CPXM2: variants seen among roughly 807,000 people sequenced by gnomAD.
CPXM2 encodes carboxypeptidase X, M14 family member 2.
In CPXM2, 66 loss-of-function variants were observed where a neutral mutation model predicts 86.1. The ratio of observed to expected loss-of-function variants is 0.77; its 90% CI spans 0.63 to 0.94. CPXM2 has a LOEUF of 0.94. Ranked by LOEUF, CPXM2 falls within the 40% of genes least tolerant of loss-of-function variation. CPXM2 has a pLI of 0.00. For missense variants in CPXM2, 948 were observed against 1,026.3 expected (o/e 0.92, Z 1.04); for synonymous variants, 388 against 400.2 (o/e 0.97, Z 0.36).
chr10:123,750,180 T>C, intron 13 of CPXM2: 1 of 985,368 alleles, frequency 1.0e-6, no homozygotes, highest in Non-Finnish European at 1.2e-6. Context: ...TGTTCTGTCC[T>C]TGTGGCCCTG....
chr10:123,905,465 G>A lies in CPXM2; in HGVS notation n.175-25156C>T, dbSNP rs539524489. Among the ~76,000 whole-genome samples the A allele has an allele frequency of 3.9e-5, 6 of 152,116 alleles. 1 individual carries two copies. Among genetic ancestry groups the A allele is most frequent in the Middle Eastern group, 3.2e-3 (1 of 316 alleles). ...CCTCAGCTGTCCCATCTGCCAATCCGGGCATTGGACAGATGACCCTGCCGT... is the reference window on the plus strand; with the variant it reads ...CCTCAGCTGTCCCATCTGCCAATCCAGGCATTGGACAGATGACCCTGCCGT... On this transcript the variant is annotated intron_variant and non_coding_transcript_variant, in intron 2 of 19. Transcript: ENST00000368854.
chr10:123,878,833 T>TA, intron 2 of CPXM2, among the ~76,000 whole-genome samples: 1 of 152,250 alleles, frequency 6.6e-6, no homozygotes, highest in East Asian at 1.9e-4. Flanking sequence ...GTGGCATTTG[T>TA]AATCCTGAAG....
intron 4 of CPXM2, among the ~76,000 whole-genome samples, chr10:123,833,714 G>A (rs1314415245): frequency 1.3e-5 from 2 of 152,230 alleles, no homozygotes; most frequent in African/African-American, 4.8e-5. Context: ...ACTCAAGGCC[G>A]GTGGCAACTG....
intron 4 of CPXM2, among the ~76,000 whole-genome samples, chr10:123,825,994 T>C (rs1295673901): frequency 6.6e-6 from 1 of 152,198 alleles, no homozygotes; most frequent in Non-Finnish European, 1.5e-5. Flanking sequence ...TCACTTTCCA[T>C]TGCACAGCAT....
At chr10:123,857,560 AGATGGAAGGCGGCG>A (rs1848754344) in intron 3 of CPXM2, among the ~76,000 whole-genome samples, 3 of 122,188 alleles carry the variant, frequency 2.5e-5, no homozygotes, top group Non-Finnish European at 5.4e-5. Flanking sequence ...GGCGGCGTGG[AGATGGAAGGCGGCG>A]TGGAGATGGA....
At chr10:123,871,682 C>T (rs937599342) in intron 2 of CPXM2, among the ~76,000 whole-genome samples, 9 of 152,114 alleles carry the variant, frequency 5.9e-5, no homozygotes, top group Non-Finnish European at 1.0e-4. Context: ...TAGTCCAAAG[C>T]AACAAGTACT....
intron 2 of CPXM2, among the ~76,000 whole-genome samples, chr10:123,878,292 C>G (rs989220179): frequency 7.6e-4 from 92 of 121,834 alleles, no homozygotes; most frequent in African/African-American, 2.9e-3. Context: ...CCCTTTTTTT[C>G]TCTCTTTTTT....
At chr10:123,850,659 T>C (rs1414246544) in intron 3 of CPXM2, among the ~76,000 whole-genome samples, 1 of 152,248 alleles carries the variant, frequency 6.6e-6, no homozygotes, top group African/African-American at 2.4e-5. Context: ...TTGATATTGG[T>C]AATTCAGATA....
chr10:123,752,980 A>G (rs935269172), intron 13 of CPXM2, among the ~76,000 whole-genome samples: 9 of 152,184 alleles, frequency 5.9e-5, no homozygotes, highest in African/African-American at 2.2e-4. Context: ...GAAGGGAGAC[A>G]TGCCACGGGG....
At chr10:123,846,600 T>C (rs184785146) in intron 3 of CPXM2, among the ~76,000 whole-genome samples, 8 of 152,226 alleles carry the variant, frequency 5.3e-5, no homozygotes, top group African/African-American at 1.7e-4. Flanking sequence ...TACTAGAGGA[T>C]GCACTCCAAA....
rs367712350 is a variant in CPXM2, at chr10:123,777,340, T to C, written c.978+2827A>G. 5.9e-5 allele frequency: 9 copies of C among 152,562 alleles called. No homozygotes were observed. The East Asian group carries it at 1.5e-3, about 26-fold the overall frequency. The allele number at this position is 152,562 out of a possible 1,614,324, so 9.5% of individuals were successfully genotyped here. A position where few individuals can be genotyped will look rare whatever the true frequency, so the allele number is the denominator to read the frequency against. On this transcript the variant is annotated intron_variant, in intron 7 of 13. Transcript: ENST00000241305. ...TGACAACACTGTGCCCAAACCAAAG[T>C]AGGTCATTAACCTTGTCCTCAAAAT...
At chr10:123,824,676 C>T (rs1187846645) in intron 4 of CPXM2, among the ~76,000 whole-genome samples, 4 of 152,224 alleles carry the variant, frequency 2.6e-5, no homozygotes, top group Admixed American at 6.5e-5. Flanking sequence ...GGCTCAAAGA[C>T]TTGCTCTGCC....
At position 123,747,004 on chromosome 10, in the gene CPXM2, A is replaced by G. The variant is rs1564747069; in HGVS notation, c.2031T>C (p.Asp677=). Residue 677 remains aspartate (D), a synonymous_variant, in exon 14 of 14, where the codon GAT becomes GAC. Transcript: ENST00000241305. The part of the protein sequence containing the change: ...NHDIRTANDG[D]YWRLLNPGEY... ...CTCCAGGGTTCAGGAGGCGCCAGTA[A>G]TCCCCATCGTTGGCTGTGAAAAAGA... 1 of 1,613,910 alleles carries G rather than the reference A, an allele frequency of 6.2e-7. No homozygotes were observed. Among genetic ancestry groups the G allele is most frequent in the Admixed American group, 1.7e-5 (1 of 59,974 alleles).
chr10:123,915,893 C>T (rs1945530824), intron 2 of CPXM2, among the ~76,000 whole-genome samples: 1 of 152,138 alleles, frequency 6.6e-6, no homozygotes, highest in South Asian at 2.1e-4. Flanking sequence ...CCGAATACTC[C>T]TGACGTTGGC....
At chr10:123,846,284 A>G (rs909786556) in intron 3 of CPXM2, among the ~76,000 whole-genome samples, 2 of 152,196 alleles carry the variant, frequency 1.3e-5, no homozygotes, top group African/African-American at 2.4e-5. Flanking sequence ...GCAACTAGAC[A>G]TTTTCATCTG....
rs150140944 is a variant in CPXM2 at position 123,812,276 on chromosome 10, C to T, written c.654-13077G>A. ...ATTACAAATATATGAACTAAACCCA[C>T]AGGTAACAACATGGATGATCCTGTG... On this transcript the variant is annotated intron_variant, in intron 4 of 13. Transcript: ENST00000241305. Among the ~76,000 whole-genome samples, 638 of 152,272 alleles carry T rather than the reference C, an allele frequency of 4.2e-3. 3 individuals carry two copies. Among genetic ancestry groups the T allele is most frequent in the African/African-American group, 0.014 (600 of 41,538 alleles).
chr10:123,857,910 G>A (rs538921222), intron 3 of CPXM2, among the ~76,000 whole-genome samples: 2 of 151,832 alleles, frequency 1.3e-5, no homozygotes, highest in Non-Finnish European at 2.9e-5. Context: ...TCTGTGGTCA[G>A]GTGCTGATAC....
intron 13 of CPXM2, chr10:123,750,283 G>A (rs899854163): frequency 1.0e-6 from 1 of 985,226 alleles, no homozygotes; most frequent in Admixed American, 6.1e-5. Context: ...TCAGATAAGG[G>A]CTCAGTGCTT....
chr10:123,908,207 G>A (rs945935003), intron 2 of CPXM2, among the ~76,000 whole-genome samples: 1 of 151,986 alleles, frequency 6.6e-6, no homozygotes, highest in Non-Finnish European at 1.5e-5. Context: ...CCAGTAGGAC[G>A]TCCTGGAGTG....
Sources: gnomAD v4.1 joint callset for allele counts (sites outside exome capture counted in the v4.1 genomes callset) on GRCh38, gnomAD v4.1.1 for gene constraint, MANE v1.5 for transcripts, NCBI Gene and HGNC (gene_info 2026-07-23, HGNC 2026-07-21) for gene names.